The following HS6ST3 variants were observed in gnomAD, a reference collection of about 807,000 sequenced individuals.
HS6ST3 encodes heparan sulfate 6-O-sulfotransferase 3, also known as heparan-sulfate 6-O-sulfotransferase 3.
In HS6ST3, 12 loss-of-function variants were observed where a neutral mutation model predicts 36.7. That is an observed-to-expected ratio of 0.33 (90% CI 0.21 to 0.53). The LOEUF (loss-of-function observed/expected upper bound fraction) is 0.53, where lower values mean the gene tolerates loss of function less well. HS6ST3 is among the 20% of genes least tolerant of loss of function. The pLI, the probability that HS6ST3 is intolerant of heterozygous loss-of-function variation, is 0.95. For synonymous variants in HS6ST3, 240 were observed against 257.5 expected (o/e 0.93, Z 0.65); for missense variants, 584 against 640.9 (o/e 0.91, Z 0.96).
intron 1 of HS6ST3, among the ~76,000 whole-genome samples, chr13:96,495,382 A>G (rs182056619): frequency 1.1e-4 from 16 of 152,270 alleles, no homozygotes; most frequent in African/African-American, 3.4e-4. Context: ...CAAAAATTTT[A>G]AAATAGACTT....
Position 96,359,431 on chromosome 13 carries a change from G to T in HS6ST3, c.707+267862G>T, listed in dbSNP as rs140817582. Among the ~76,000 whole-genome samples, 107 of 152,284 alleles carry T rather than the reference G, an allele frequency of 7.0e-4. 2 individuals carry two copies. The highest frequency in any genetic ancestry group is 2.5e-3 in the African/African-American group (103 of 41,570). On this transcript the variant is annotated intron_variant, in intron 1 of 1. Transcript: ENST00000376705. ...GGAAAACTGTCTACTTATGTAGGTT[G>T]ATTAATCAGTACACTTTTAGAAAAC...
intron 1 of HS6ST3, among the ~76,000 whole-genome samples, chr13:96,741,197 T>C (rs1163435836): frequency 6.6e-6 from 1 of 152,208 alleles, no homozygotes; most frequent in African/African-American, 2.4e-5. Flanking sequence ...ATTCTCATAA[T>C]GTGCATTCTT....
chr13:96,263,104 G>T (rs2054674542), intron 1 of HS6ST3, among the ~76,000 whole-genome samples: 1 of 152,160 alleles, frequency 6.6e-6, no homozygotes, highest in Non-Finnish European at 1.5e-5. Flanking sequence ...AAGTAATGAT[G>T]AATATAGTTA....
At chr13:96,125,494 A>G (rs1294833885) in intron 1 of HS6ST3, among the ~76,000 whole-genome samples, 1 of 152,156 alleles carries the variant, frequency 6.6e-6, no homozygotes, top group Non-Finnish European at 1.5e-5. Context: ...TAACTTTATT[A>G]ACCTCGTCTG....
At chr13:96,345,497 T>A (rs2055149335) in intron 1 of HS6ST3, among the ~76,000 whole-genome samples, 1 of 152,212 alleles carries the variant, frequency 6.6e-6, no homozygotes. Context: ...GGATTCTATT[T>A]GTCTTGTAGA....
rs768435180 is a variant in HS6ST3 at position 96,176,072 on chromosome 13, A to T, written c.707+84503A>T. 1.1e-3 allele frequency among the ~76,000 whole-genome samples: 160 copies of T among 152,198 alleles called. 1 individual carries two copies. The highest frequency in any genetic ancestry group is 3.6e-3 in the African/African-American group (151 of 41,534). On this transcript the variant is annotated intron_variant, in intron 1 of 1. Transcript: ENST00000376705. Reference sequence around the variant, plus strand: ...TTGAACTCCTGACCTCAGGTGATCCACCTGCCTCCGCCTCTCAAGGTGCTG... The same window carrying T: ...TTGAACTCCTGACCTCAGGTGATCCTCCTGCCTCCGCCTCTCAAGGTGCTG...
chr13:96,406,325 T>C, intron 1 of HS6ST3, among the ~76,000 whole-genome samples: 1 of 152,218 alleles, frequency 6.6e-6, no homozygotes, highest in East Asian at 1.9e-4. Flanking sequence ...GTGGTACCGA[T>C]TTCTTTGTTC....
At chr13:96,830,223 G>A (rs1190688456) in intron 1 of HS6ST3, among the ~76,000 whole-genome samples, 1 of 152,144 alleles carries the variant, frequency 6.6e-6, no homozygotes, top group African/African-American at 2.4e-5. Context: ...TAGATTAAGT[G>A]TACTCAATGC....
intron 1 of HS6ST3, among the ~76,000 whole-genome samples, chr13:96,649,387 T>C (rs2056599822): frequency 1.3e-5 from 2 of 151,974 alleles, no homozygotes. Context: ...AATACCATGA[T>C]TCAATTATCT....
At chr13:96,569,220 T>C (rs1018832494) in intron 1 of HS6ST3, among the ~76,000 whole-genome samples, 3 of 152,240 alleles carry the variant, frequency 2.0e-5, no homozygotes, top group Non-Finnish European at 2.9e-5. Context: ...CAAATTACCC[T>C]GATAATGTGA....
chr13:96,325,125 T>C (rs2055024077), intron 1 of HS6ST3, among the ~76,000 whole-genome samples: 1 of 152,166 alleles, frequency 6.6e-6, no homozygotes, highest in South Asian at 2.1e-4. Context: ...AAAGAAATAT[T>C]TTTTCCACTT....
At chr13:96,818,272 G>T (rs950528781) in intron 1 of HS6ST3, among the ~76,000 whole-genome samples, 1 of 152,172 alleles carries the variant, frequency 6.6e-6, no homozygotes, top group Non-Finnish European at 1.5e-5. Context: ...AGGCAGAATT[G>T]CAGCTTCGGA....
intron 1 of HS6ST3, among the ~76,000 whole-genome samples, chr13:96,418,649 C>T (rs2055546716): frequency 6.6e-6 from 1 of 152,164 alleles, no homozygotes; most frequent in South Asian, 2.1e-4. Flanking sequence ...AATCAGCCAC[C>T]ATGCCTTGTA....
chr13:96,412,974 C>T (rs2055515545), intron 1 of HS6ST3, among the ~76,000 whole-genome samples: 1 of 151,766 alleles, frequency 6.6e-6, no homozygotes, highest in African/African-American at 2.4e-5. Context: ...GTGTGATGTC[C>T]CTTCTTTCCA....
At chr13:96,803,028 A>G (rs1006854980) in intron 1 of HS6ST3, among the ~76,000 whole-genome samples, 20 of 152,132 alleles carry the variant, frequency 1.3e-4, no homozygotes, top group African/African-American at 4.6e-4. Context: ...CTGACTCTTC[A>G]TTTTACTTTA....
At chr13:96,621,478 G>A (rs952857685) in intron 1 of HS6ST3, among the ~76,000 whole-genome samples, 1 of 152,118 alleles carries the variant, frequency 6.6e-6, no homozygotes, top group Non-Finnish European at 1.5e-5. Context: ...AGGCCTCCCA[G>A]CCATGTGGAA....
At chr13:96,117,931 C>T (rs1873195331) in intron 1 of HS6ST3, among the ~76,000 whole-genome samples, 1 of 151,668 alleles carries the variant, frequency 6.6e-6, no homozygotes, top group South Asian at 2.1e-4. Flanking sequence ...GTGCGGTGGC[C>T]TGATCTCGGC....
chr13:96,530,776 G>T (rs1213212235), intron 1 of HS6ST3, among the ~76,000 whole-genome samples: 1 of 152,078 alleles, frequency 6.6e-6, no homozygotes, highest in African/African-American at 2.4e-5. Flanking sequence ...ACTACTACTG[G>T]ACTGCCCTGG....
At chr13:96,199,994 A>G (rs1485996112) in intron 1 of HS6ST3, among the ~76,000 whole-genome samples, 1 of 152,198 alleles carries the variant, frequency 6.6e-6, no homozygotes, top group Admixed American at 6.5e-5. Flanking sequence ...CTGAAAATGA[A>G]TTACATCCAT....
Sources: allele counts gnomAD v4.1 joint callset (sites outside exome capture counted in the v4.1 genomes callset), GRCh38; gene constraint gnomAD v4.1.1; transcripts MANE v1.5; gene names NCBI Gene and HGNC (gene_info 2026-07-23, HGNC 2026-07-21).